WWOX: variants seen among roughly 807,000 people sequenced by gnomAD.
The protein encoded by WWOX is WW domain containing oxidoreductase, also known as WW domain-containing oxidoreductase.
Under a neutral mutation model 46.2 loss-of-function variants are expected in WWOX, and 69 were observed. The observed-to-expected ratio is 1.49, with a 90% confidence interval of 1.23 to 1.82. The LOEUF is 1.82. Ranked by LOEUF, WWOX falls within the 40% of genes most tolerant of loss-of-function variation. The pLI is 0.00. For missense variants in WWOX, 919 were observed against 542.6 expected (o/e 1.69, Z -6.89); for synonymous variants, 359 against 202.6 (o/e 1.77, Z -6.56).
At chr16:78,620,097 C>T (rs1473861759) in intron 8 of WWOX, among the ~76,000 whole-genome samples, 2 of 152,104 alleles carry the variant, frequency 1.3e-5, no homozygotes, top group East Asian at 1.9e-4. Context: ...ATACCTAGGA[C>T]AGTATTTGGC....
At chr16:78,620,032 G>A (rs2738561) in intron 8 of WWOX, among the ~76,000 whole-genome samples, 1 of 152,038 alleles carries the variant, frequency 6.6e-6, no homozygotes, top group Non-Finnish European at 1.5e-5. Context: ...AATCTCTAAC[G>A]TCAGCTTCCT....
intron 8 of WWOX, among the ~76,000 whole-genome samples, chr16:78,753,733 T>G (rs912454448): frequency 2.1e-5 from 3 of 140,894 alleles, no homozygotes; most frequent in African/African-American, 8.2e-5. Context: ...GCCTGGGAAG[T>G]CAAGGCTGTA....
intron 8 of WWOX, among the ~76,000 whole-genome samples, chr16:79,074,993 C>G (rs776158299): frequency 4.6e-5 from 7 of 152,144 alleles, no homozygotes; most frequent in Non-Finnish European, 1.0e-4. Context: ...TCTACACATT[C>G]GACTATTCCC....
At chr16:78,850,565 C>T (rs1046826157) in intron 8 of WWOX, among the ~76,000 whole-genome samples, 1 of 151,984 alleles carries the variant, frequency 6.6e-6, no homozygotes. Flanking sequence ...CTGTTTAGTC[C>T]CCTCTCCCCC....
At chr16:78,938,439 C>T (rs1567662431) in intron 8 of WWOX, among the ~76,000 whole-genome samples, 1 of 151,680 alleles carries the variant, frequency 6.6e-6, no homozygotes, top group Admixed American at 6.6e-5. Context: ...TTGTGTGAGA[C>T]AGTGAAACCC....
At chr16:78,150,876 A>G (rs369479607) in intron 4 of WWOX, among the ~76,000 whole-genome samples, 1 of 151,200 alleles carries the variant, frequency 6.6e-6, no homozygotes, top group African/African-American at 2.4e-5. Flanking sequence ...GAAAATTTCA[A>G]AGGTTTTTGT....
intron 8 of WWOX, chr16:79,105,865 G>A (rs1265759036): frequency 6.6e-6 from 1 of 152,010 alleles, no homozygotes; most frequent in Admixed American, 6.6e-5. Flanking sequence ...TAGAAACGGG[G>A]TTTCACCTTT....
At chr16:79,038,599 G>T (rs1328226702) in intron 8 of WWOX, among the ~76,000 whole-genome samples, 2 of 152,050 alleles carry the variant, frequency 1.3e-5, no homozygotes, top group Admixed American at 6.5e-5. Context: ...ACACAGGCTG[G>T]AGTGCAATGG....
chr16:78,791,178 C>G (rs774381098), intron 8 of WWOX, among the ~76,000 whole-genome samples: 1 of 152,118 alleles, frequency 6.6e-6, no homozygotes, highest in Non-Finnish European at 1.5e-5. Context: ...TGACTACCAT[C>G]TGGATGTGGG....
intron 8 of WWOX, among the ~76,000 whole-genome samples, chr16:78,902,870 C>G (rs540223688): frequency 6.6e-6 from 1 of 152,164 alleles, no homozygotes; most frequent in East Asian, 1.9e-4. Context: ...ATCTAAAATA[C>G]AAGGGAAAAG....
intron 5 of WWOX, among the ~76,000 whole-genome samples, chr16:78,202,965 A>G (rs2036280066): frequency 6.6e-6 from 1 of 152,240 alleles, no homozygotes; most frequent in Middle Eastern, 3.2e-3. Context: ...AACATGTTTC[A>G]GTAGTACCAG....
At chr16:78,404,688 A>G (rs548481536) in intron 6 of WWOX, among the ~76,000 whole-genome samples, 1 of 152,300 alleles carries the variant, frequency 6.6e-6, no homozygotes, top group South Asian at 2.1e-4. Flanking sequence ...CGTCTTTTCC[A>G]TCCAAGGGCA....
chr16:78,163,324 A>G (rs530951679), intron 4 of WWOX, among the ~76,000 whole-genome samples: 3 of 152,002 alleles, frequency 2.0e-5, no homozygotes, highest in Non-Finnish European at 4.4e-5. Context: ...CTGAGTTTCC[A>G]CTCTTGTGAA....
At chr16:78,406,209 A>T (rs913837204) in intron 6 of WWOX, among the ~76,000 whole-genome samples, 1 of 149,612 alleles carries the variant, frequency 6.7e-6, no homozygotes, top group African/African-American at 2.4e-5. Context: ...GTTTATTGCT[A>T]CCAATTTTAA....
At chr16:78,266,294 A>G (rs7189213) in intron 5 of WWOX, among the ~76,000 whole-genome samples, 98,866 of 152,134 alleles carry the variant, frequency 0.65, 33,160 homozygotes, top group East Asian at 0.88. Flanking sequence ...TTTTATTGAA[A>G]TTCCAGAGAG....
chr16:78,651,158 T>C (rs974135085), intron 8 of WWOX, among the ~76,000 whole-genome samples: 1 of 152,194 alleles, frequency 6.6e-6, no homozygotes, highest in African/African-American at 2.4e-5. Context: ...CACAAAGTTT[T>C]CTTATATTTT....
At chr16:78,374,679 G>C (rs939664128) in intron 5 of WWOX, among the ~76,000 whole-genome samples, 6 of 151,660 alleles carry the variant, frequency 4.0e-5, no homozygotes, top group Non-Finnish European at 7.4e-5. Flanking sequence ...CTCCCGAGTA[G>C]CTGGAACTAC....
At chr16:78,950,585 G>C (rs2046040742) in intron 8 of WWOX, among the ~76,000 whole-genome samples, 1 of 150,728 alleles carries the variant, frequency 6.6e-6, no homozygotes, top group Non-Finnish European at 1.5e-5. Context: ...ATTAGGAAAT[G>C]GAGATTTCTA....
rs144087922 is a variant in WWOX at position 78,408,163 on chromosome 16, G to A, written c.606-16707G>A. On this transcript the variant is annotated intron_variant, in intron 6 of 8. Transcript: ENST00000566780. Reference sequence around the variant, plus strand: ...AAGCCAAGCTACAAGTTAAATCCTCGGACCAGATTGAGAACTTGTCTTCTT... The same window carrying A: ...AAGCCAAGCTACAAGTTAAATCCTCAGACCAGATTGAGAACTTGTCTTCTT... Among the ~76,000 whole-genome samples the A allele has an allele frequency of 7.8e-4, 118 of 152,194 alleles. No homozygotes were observed. The East Asian group carries it at 0.013, about 17-fold the overall frequency.
Sources: gnomAD v4.1 joint callset for allele counts (sites outside exome capture counted in the v4.1 genomes callset) on GRCh38, gnomAD v4.1.1 for gene constraint, MANE v1.5 for transcripts, NCBI Gene and HGNC (gene_info 2026-07-23, HGNC 2026-07-21) for gene names.